Variants in CTNNA3 observed in about 807,000 individuals in gnomAD.
The protein encoded by CTNNA3 is catenin alpha 3, also known as catenin alpha-3.
Under a neutral mutation model 95.7 loss-of-function variants are expected in CTNNA3, and 76 were observed. The ratio of observed to expected loss-of-function variants is 0.79; its 90% confidence interval spans 0.66 to 0.96. The LOEUF is 0.96. CTNNA3 is among the 40% of genes least tolerant of loss of function. CTNNA3 has a pLI of 0.00. For missense variants in CTNNA3, 1,191 were observed against 1,089.8 expected (o/e 1.09, Z -1.31); for synonymous variants, 431 against 374.4 (o/e 1.15, Z -1.74).
chr10:67,371,727 C>A (rs1034180314), intron 5 of CTNNA3, among the ~76,000 whole-genome samples: 3 of 152,126 alleles, frequency 2.0e-5, no homozygotes. Context: ...GATTTATAAT[C>A]CTTTGGGTAT....
At chr10:67,674,497 AG>A (rs1413095214) in intron 1 of CTNNA3, among the ~76,000 whole-genome samples, 3 of 152,116 alleles carry the variant, frequency 2.0e-5, no homozygotes, top group Non-Finnish European at 4.4e-5. Flanking sequence ...TTTCTGGGTC[AG>A]AATGTGTGTT....
chr10:66,363,767 G>C (rs1319258145), intron 12 of CTNNA3, among the ~76,000 whole-genome samples: 1 of 152,082 alleles, frequency 6.6e-6, no homozygotes, highest in Admixed American at 6.6e-5. Context: ...ACTTCATTCA[G>C]AAGGTAAATC....
intron 12 of CTNNA3, among the ~76,000 whole-genome samples, chr10:66,360,034 G>A (rs1419257096): frequency 4.6e-5 from 7 of 151,860 alleles, no homozygotes; most frequent in African/African-American, 1.7e-4. Context: ...TCAGCATGTT[G>A]GTCGGGCTGG....
At chr10:67,252,724 G>GAAAT (rs1325696478) in intron 5 of CTNNA3, among the ~76,000 whole-genome samples, 2 of 152,154 alleles carry the variant, frequency 1.3e-5, no homozygotes, top group African/African-American at 4.8e-5. Context: ...TCCCTTACTT[G>GAAAT]AAATAAATGG....
intron 9 of CTNNA3, among the ~76,000 whole-genome samples, chr10:66,643,892 C>T (rs1845601851): frequency 1.3e-5 from 2 of 152,056 alleles, no homozygotes; most frequent in Admixed American, 6.6e-5. Context: ...GAAGAAAGTA[C>T]AAGATGTGTA....
chr10:66,448,425 C>G (rs1438482352), intron 11 of CTNNA3, among the ~76,000 whole-genome samples: 2 of 152,210 alleles, frequency 1.3e-5, no homozygotes, highest in East Asian at 3.9e-4. Flanking sequence ...TTGGAACCAA[C>G]CCAAATGTCC....
At chr10:67,383,878 C>CT (rs1245874914) in intron 5 of CTNNA3, among the ~76,000 whole-genome samples, 2 of 152,116 alleles carry the variant, frequency 1.3e-5, no homozygotes, top group Non-Finnish European at 2.9e-5. Context: ...TCTGTAGTTG[C>CT]TTTTTAACTT....
chr10:67,257,939 C>T (rs1866429815), intron 5 of CTNNA3, among the ~76,000 whole-genome samples: 1 of 152,144 alleles, frequency 6.6e-6, no homozygotes, highest in African/African-American at 2.4e-5. Context: ...CAAAGTTTAA[C>T]AAAACTGACT....
intron 10 of CTNNA3, among the ~76,000 whole-genome samples, chr10:66,600,044 A>G (rs1589475745): frequency 6.6e-6 from 1 of 151,984 alleles, no homozygotes; most frequent in East Asian, 1.9e-4. Flanking sequence ...AATAATAAAA[A>G]ACAAAGTAGA....
At chr10:66,501,846 T>C (rs1840288843) in intron 11 of CTNNA3, among the ~76,000 whole-genome samples, 1 of 152,106 alleles carries the variant, frequency 6.6e-6, no homozygotes, top group African/African-American at 2.4e-5. Context: ...GGGCAAAGGC[T>C]TTCATCAAAA....
intron 1 of CTNNA3, among the ~76,000 whole-genome samples, chr10:67,654,863 C>G (rs1453067360): frequency 6.6e-6 from 1 of 152,110 alleles, no homozygotes; most frequent in African/African-American, 2.4e-5. Context: ...TGTGCATTCA[C>G]TATATGTGTA....
intron 10 of CTNNA3, among the ~76,000 whole-genome samples, chr10:66,585,935 TA>T (rs1370689203): frequency 1.3e-5 from 2 of 152,178 alleles, no homozygotes; most frequent in African/African-American, 4.8e-5. Flanking sequence ...CAATTGGGTT[TA>T]AAAAAATTTT....
chr10:66,089,660 T>TA (rs1409220010), intron 14 of CTNNA3, among the ~76,000 whole-genome samples: 2 of 151,862 alleles, frequency 1.3e-5, no homozygotes, highest in African/African-American at 4.8e-5. Flanking sequence ...ACTTTGTTTT[T>TA]ATCACTACAC....
intron 1 of CTNNA3, among the ~76,000 whole-genome samples, chr10:67,706,473 G>A (rs1034661542): frequency 2.6e-5 from 4 of 152,170 alleles, no homozygotes; most frequent in Middle Eastern, 3.4e-3. Flanking sequence ...GGAAAAGTTA[G>A]TGGACTTGAA....
At chr10:67,198,361 A>G (rs866074210) in intron 6 of CTNNA3, among the ~76,000 whole-genome samples, 2 of 152,124 alleles carry the variant, frequency 1.3e-5, no homozygotes, top group Non-Finnish European at 2.9e-5. Flanking sequence ...CGAAGGTCTT[A>G]CTTTATCAGG....
intron 7 of CTNNA3, among the ~76,000 whole-genome samples, chr10:66,980,442 T>C (rs1850352650): frequency 1.4e-5 from 2 of 143,218 alleles, no homozygotes; most frequent in Admixed American, 1.4e-4. Flanking sequence ...CAGCTGTCAC[T>C]GGCCTTTTCT....
At position 66,956,331 on chromosome 10, in the gene CTNNA3, G is replaced by A. The variant is rs1848790807; in HGVS notation, c.1048-180807C>T. Among the ~76,000 whole-genome samples the A allele has an allele frequency of 3.3e-5, 5 of 151,784 alleles. No homozygotes were observed. In the South Asian group the frequency reaches 6.2e-4, roughly 19 times the overall value. Reference sequence around the variant, plus strand: ...TGGTAAGAGTTTTGGGAGCAGAGGGGATTCTTCCCAAGGGAAGTGGGAGTA... The same window carrying A: ...TGGTAAGAGTTTTGGGAGCAGAGGGAATTCTTCCCAAGGGAAGTGGGAGTA... On this transcript the variant is annotated intron_variant, in intron 7 of 17. Coordinates refer to ENST00000433211, the MANE Select transcript of CTNNA3 (RefSeq NM_013266.4).
chr10:66,565,984 G>A (rs1251241669), intron 10 of CTNNA3, among the ~76,000 whole-genome samples: 1 of 152,188 alleles, frequency 6.6e-6, no homozygotes, highest in Non-Finnish European at 1.5e-5. Flanking sequence ...AAGAAATCCT[G>A]AGGTCAGGAC....
At chr10:65,983,583 A>T (rs2078367017) in intron 16 of CTNNA3, among the ~76,000 whole-genome samples, 1 of 151,508 alleles carries the variant, frequency 6.6e-6, no homozygotes, top group Non-Finnish European at 1.5e-5. Flanking sequence ...GAATTGTTAT[A>T]GGTAAGAATA....
Sources: allele counts gnomAD v4.1 joint callset (sites outside exome capture counted in the v4.1 genomes callset), GRCh38; gene constraint gnomAD v4.1.1; transcripts MANE v1.5; gene names NCBI Gene and HGNC (gene_info 2026-07-23, HGNC 2026-07-21).